Variants in TMEM232 observed in about 807,000 individuals in gnomAD.
TMEM232 encodes transmembrane protein 232.
Under a neutral mutation model 78.8 loss-of-function variants are expected in TMEM232, and 80 were observed. That is an observed-to-expected ratio of 1.01 (90% confidence interval 0.85 to 1.22). The LOEUF (loss-of-function observed/expected upper bound fraction) is 1.22. Ranked by LOEUF, TMEM232 falls within the 50% of genes most tolerant of loss-of-function variation. The pLI, the probability that TMEM232 is intolerant of heterozygous loss-of-function variation, is 0.00. For missense variants in TMEM232, 881 were observed against 742.2 expected (o/e 1.19, Z -2.17); for synonymous variants, 297 against 254.3 (o/e 1.17, Z -1.60).
chr5:110,627,817 T>A lies in TMEM232; in HGVS notation c.565A>T (p.Lys189Ter). The change falls in exon 6 of 14, where the codon AAA (lysine) becomes TAA (stop). Residue 189 changes from lysine (K) to a stop codon, truncating the protein, a stop_gained. Coordinates refer to ENST00000455884, the MANE Select transcript of TMEM232 (RefSeq NM_001039763.4). LOFTEE classifies it high-confidence loss of function. Reference protein sequence around the residue: ...FFLHGHLESFKQHLLRLQPYL... With the variant: ...FFLHGHLESF Reference sequence around the variant, plus strand: ...GGTTGAAGCCTAAGTAAATGTTGTTTAAAACTTTCTAGATGACCATGCAGG... The same window carrying A: ...GGTTGAAGCCTAAGTAAATGTTGTTAAAAACTTTCTAGATGACCATGCAGG... The A allele has an allele frequency of 6.5e-7, 1 of 1,536,342 alleles. No homozygotes were observed. The highest frequency in any genetic ancestry group is 2.1e-5 in the Admixed American group (1 of 46,556).
chr5:110,668,477 G>A (rs1290937477), intron 1 of TMEM232, among the ~76,000 whole-genome samples: 1 of 152,070 alleles, frequency 6.6e-6, no homozygotes, highest in Non-Finnish European at 1.5e-5. Context: ...AAAGTACAGG[G>A]GCAAAGTGAA....
chr5:110,631,150 C>A (rs1436044810), intron 5 of TMEM232, among the ~76,000 whole-genome samples: 2 of 152,124 alleles, frequency 1.3e-5, no homozygotes, highest in African/African-American at 4.8e-5. Flanking sequence ...TTGCTGGACA[C>A]AAAGGTGCTA....
intron 12 of TMEM232, among the ~76,000 whole-genome samples, chr5:110,501,892 C>T (rs912312111): frequency 2.0e-5 from 3 of 152,056 alleles, no homozygotes; most frequent in Non-Finnish European, 4.4e-5. Context: ...TAGGTCTAAT[C>T]TTGTAGGGAA....
At chr5:110,668,428 G>A (rs547574809) in intron 1 of TMEM232, among the ~76,000 whole-genome samples, 4 of 152,224 alleles carry the variant, frequency 2.6e-5, no homozygotes, top group African/African-American at 4.8e-5. Context: ...CCAGTCATCC[G>A]CCTGTGCTAC....
At chr5:110,719,792 CT>C (rs747404650) in intron 1 of TMEM232, among the ~76,000 whole-genome samples, 110 of 152,224 alleles carry the variant, frequency 7.2e-4, no homozygotes, top group Non-Finnish European at 1.3e-3. Context: ...CTCTCTTTGT[CT>C]TTTTCTCTAC....
intron 11 of TMEM232, among the ~76,000 whole-genome samples, chr5:110,533,475 C>G (rs1771858726): frequency 6.6e-6 from 1 of 152,250 alleles, no homozygotes; most frequent in African/African-American, 2.4e-5. Flanking sequence ...GCCCTCATGT[C>G]TGTGTGCAGC....
chr5:110,416,225 C>T (rs1201697852), downstream of TMEM232, among the ~76,000 whole-genome samples: 1 of 152,190 alleles, frequency 6.6e-6, no homozygotes, highest in Non-Finnish European at 1.5e-5. Context: ...ACCTAGTCTC[C>T]AGTGGCCAAC....
At chr5:110,639,770 C>G (rs1786405194) in intron 4 of TMEM232, among the ~76,000 whole-genome samples, 1 of 152,164 alleles carries the variant, frequency 6.6e-6, no homozygotes, top group South Asian at 2.1e-4. Context: ...TTTTTGGCAC[C>G]AGGGACTGGT....
In TMEM232 at chr5:110,627,865, A is replaced by C. The variant is rs1784620370; in HGVS notation, c.517T>G (p.Phe173Val). The C allele has an allele frequency of 1.3e-6, 2 of 1,530,474 alleles. No homozygotes were observed. The highest frequency in any genetic ancestry group is 1.8e-6 in the Non-Finnish European group (2 of 1,141,046). 94.8% of individuals were successfully genotyped at this position (1,530,474 alleles called of 1,614,324 possible). A position where few individuals can be genotyped will look rare whatever the true frequency, so the allele number is the denominator to read the frequency against. Residue 173 changes from phenylalanine (F) to valine (V), a missense_variant, in exon 6 of 14, where the codon TTC becomes GTC. Physicochemically the swap from Phe to Val is conservative, Grantham distance 50 (BLOSUM62 -1). Transcript: ENST00000455884. ...IKLAKIGYLV[F>V]LRLFIFFLHG... ...AGGAAAAATATAAAAAGTCGTAAGA[A>C]GACCAAATAGCCAATCTGTCAAAAG...
intron 7 of TMEM232, among the ~76,000 whole-genome samples, chr5:110,620,661 TC>T (rs796123779): frequency 6.0e-5 from 4 of 66,626 alleles, no homozygotes; most frequent in African/African-American, 2.4e-4. Context: ...CTCTCTCTCC[TC>T]CTCTCTCTCT....
chr5:110,579,207 G>C (rs1777894237), intron 10 of TMEM232, among the ~76,000 whole-genome samples: 1 of 150,298 alleles, frequency 6.7e-6, no homozygotes, highest in Non-Finnish European at 1.5e-5. Flanking sequence ...TGTTCAAAGG[G>C]ATGGAAGAAA....
At chr5:110,609,187 C>T (rs907997426) in intron 8 of TMEM232, among the ~76,000 whole-genome samples, 5 of 151,790 alleles carry the variant, frequency 3.3e-5, no homozygotes, top group Admixed American at 6.6e-5. Context: ...TTCAACATTG[C>T]GACAAATATT....
intron 7 of TMEM232, 139 bp from the exon 8 acceptor site, chr5:110,618,701 G>T: frequency 1.1e-6 from 1 of 940,344 alleles, no homozygotes; most frequent in Non-Finnish European, 1.5e-6. Flanking sequence ...ATTTCACCAA[G>T]TGGAGCAATT....
At chr5:110,596,909 T>C (rs1780238727) in intron 10 of TMEM232, among the ~76,000 whole-genome samples, 1 of 152,140 alleles carries the variant, frequency 6.6e-6, no homozygotes, top group African/African-American at 2.4e-5. Context: ...GCCAATATCA[T>C]ACTGAATGGG....
intron 1 of TMEM232, among the ~76,000 whole-genome samples, chr5:110,673,366 A>C (rs1260287216): frequency 6.6e-6 from 1 of 152,076 alleles, no homozygotes; most frequent in African/African-American, 2.4e-5. Context: ...TGACGAGTTA[A>C]TGGGTGCAGC....
intron 2 of TMEM232, among the ~76,000 whole-genome samples, chr5:110,660,811 C>T (rs1223849830): frequency 6.6e-6 from 1 of 152,104 alleles, no homozygotes; most frequent in Non-Finnish European, 1.5e-5. Context: ...TCAATCACCT[C>T]AAGCATTTAT....
intron 12 of TMEM232, among the ~76,000 whole-genome samples, chr5:110,463,654 T>C (rs922206252): frequency 5.9e-5 from 9 of 152,204 alleles, no homozygotes; most frequent in African/African-American, 2.2e-4. Context: ...TACAATTCTC[T>C]CTATTGCTGA....
In TMEM232 at chr5:110,389,836, C is replaced by T. The variant is rs138544182; in HGVS notation, n.615+580G>A. 4.0e-3 allele frequency among the ~76,000 whole-genome samples: 602 copies of T among 152,242 alleles called. 4 individuals carry two copies. Among genetic ancestry groups the T allele is most frequent in the African/African-American group, 0.014 (591 of 41,548 alleles). ...TCACTGCTCAGAGCTCAGATTCATT[C>T]GTTTCTTTGCTACGGTGAAATTCTT... On this transcript the variant is annotated intron_variant and non_coding_transcript_variant, in intron 4 of 8. Coordinates refer to the TMEM232 transcript ENST00000507188.
At chr5:110,680,088 T>G (rs1051908489) in intron 1 of TMEM232, among the ~76,000 whole-genome samples, 3 of 151,994 alleles carry the variant, frequency 2.0e-5, no homozygotes, top group Admixed American at 2.0e-4. Flanking sequence ...TGTTTCAAGC[T>G]CCCCAGGTGA....
Sources: gnomAD v4.1 joint callset for allele counts (sites outside exome capture counted in the v4.1 genomes callset) on GRCh38, gnomAD v4.1.1 for gene constraint, MANE v1.5 for transcripts, NCBI Gene and HGNC (gene_info 2026-07-23, HGNC 2026-07-21) for gene names.